The following CRTAC1 variants were observed in gnomAD, a reference collection of about 807,000 sequenced individuals.
The protein encoded by CRTAC1 is cartilage acidic protein 1, also known as acidic secreted protein in cartilage.
Under a neutral mutation model 67.8 loss-of-function variants are expected in CRTAC1, and 37 were observed. The ratio of observed to expected loss-of-function variants is 0.55; its 90% CI spans 0.42 to 0.72. The LOEUF is 0.72. Ranked by LOEUF, CRTAC1 falls within the 30% of genes least tolerant of loss-of-function variation. CRTAC1 has a pLI of 0.00. For synonymous variants in CRTAC1, 348 were observed against 371.0 expected (o/e 0.94, Z 0.71); for missense variants, 780 against 931.6 (o/e 0.84, Z 2.12).
In CRTAC1 at chr10:97,894,711, CATATATATAT is replaced by C. The variant is rs66795716; in HGVS notation, c.1486+524_1486+533del. Among the ~76,000 whole-genome samples the C allele has an allele frequency of 2.0e-3, 120 of 59,990 alleles. 1 individual carries two copies. The highest frequency in any genetic ancestry group is 2.5e-3 in the Non-Finnish European group (77 of 30,342). The allele number at this position is 59,990 out of a possible 152,430, so 39.4% of individuals were successfully genotyped here. A position where few individuals can be genotyped will look rare whatever the true frequency, so the allele number is the denominator to read the frequency against. Reference sequence around the variant, plus strand: ...CTGTGCCCAGCCCCTGATGCTTTTACATATATATATATATATATATATATATATATATATA... The same window carrying C: ...CTGTGCCCAGCCCCTGATGCTTTTACATATATATATATATATATATATATA... On this transcript the variant is annotated intron_variant, in intron 11 of 14. Coordinates refer to ENST00000370597, the MANE Select transcript of CRTAC1 (RefSeq NM_018058.7).
intron 2 of CRTAC1, among the ~76,000 whole-genome samples, chr10:97,943,662 T>A (rs993694420): frequency 6.6e-6 from 1 of 152,246 alleles, no homozygotes; most frequent in Admixed American, 6.5e-5. Context: ...GACAAACTTA[T>A]CCCTTAGTCT....
chr10:97,873,037 G>C (rs190065770), intron 14 of CRTAC1, among the ~76,000 whole-genome samples: 22 of 152,284 alleles, frequency 1.4e-4, no homozygotes, highest in Non-Finnish European at 2.5e-4. Flanking sequence ...CATCAGTCAG[G>C]CACTGCAGCA....
chr10:97,866,008 G>A (rs2050019204), intron 14 of CRTAC1: 1 of 388,170 alleles, frequency 2.6e-6, no homozygotes, highest in Non-Finnish European at 4.6e-6. Flanking sequence ...CAACCTAGGC[G>A]GCCCCTCTCT....
At chr10:97,936,481 C>T (rs1590221875) in intron 2 of CRTAC1, 115 bp from the exon 3 acceptor site, 2 of 768,876 alleles carry the variant, frequency 2.6e-6, no homozygotes, top group Admixed American at 2.8e-5. Context: ...GCAAGTCAGA[C>T]CTGGAGTGTT....
At chr10:97,962,629 C>G (rs941566714) in intron 2 of CRTAC1, among the ~76,000 whole-genome samples, 2 of 152,140 alleles carry the variant, frequency 1.3e-5, no homozygotes, top group South Asian at 2.1e-4. Context: ...GGGACCAGGG[C>G]TACTGGTGCC....
chr10:97,936,340 T>C lies in CRTAC1; in HGVS notation c.251A>G (p.Lys84Arg). The change falls in exon 3 of 15, where the codon AAG becomes AGG. Residue 84 changes from lysine (K) to arginine (R), a missense_variant. Physicochemically the swap from Lys to Arg is conservative, Grantham distance 26. Transcript: ENST00000370597. ...AGYNGPNLVL[K>R]YDRAQKRLVN... The stretch of plus-strand genomic sequence containing the variant: ...CAGCCGCTTCTGGGCCCGGTCATAC[T>C]TCAGAACCAGGTTGGGTCCATTGTA... 6.2e-7 allele frequency: 1 copy of C among 1,612,086 alleles called. No individual in the cohort carries two copies. Among genetic ancestry groups the C allele is most frequent in the Non-Finnish European group, 8.5e-7 (1 of 1,178,520 alleles).
chr10:98,012,687 G>T (rs1842931187), intron 1 of CRTAC1, among the ~76,000 whole-genome samples: 1 of 152,316 alleles, frequency 6.6e-6, no homozygotes, highest in South Asian at 2.1e-4. Flanking sequence ...AGACCAAAAT[G>T]AAGGGGCTGG....
At chr10:97,909,842 G>A (rs1248384073) in intron 5 of CRTAC1, among the ~76,000 whole-genome samples, 5 of 152,130 alleles carry the variant, frequency 3.3e-5, no homozygotes, top group African/African-American at 7.2e-5. Context: ...TAAAGAAAAC[G>A]TGATATATAT....
At chr10:98,020,732 T>C (rs1473906979) in intron 1 of CRTAC1, among the ~76,000 whole-genome samples, 1 of 152,116 alleles carries the variant, frequency 6.6e-6, no homozygotes, top group East Asian at 1.9e-4. Flanking sequence ...CAGGTTTGTG[T>C]AGTGCAGTGA....
chr10:97,913,114 C>CAGAGAGAG (rs71488844), intron 5 of CRTAC1, among the ~76,000 whole-genome samples: 97 of 149,406 alleles, frequency 6.5e-4, no homozygotes, highest in South Asian at 1.9e-3. Flanking sequence ...GGAATGGGCA[C>CAGAGAGAG]AGAGAGAGAG....
chr10:97,907,192 A>T (rs191885334), intron 6 of CRTAC1, among the ~76,000 whole-genome samples: 1 of 152,206 alleles, frequency 6.6e-6, no homozygotes, highest in Non-Finnish European at 1.5e-5. Context: ...AAGCTCATAG[A>T]CAAACCATGA....
chr10:97,964,174 C>A (rs1221124123), intron 2 of CRTAC1, among the ~76,000 whole-genome samples: 2 of 152,166 alleles, frequency 1.3e-5, no homozygotes, highest in Non-Finnish European at 2.9e-5. Flanking sequence ...ACCAATGAGC[C>A]AGTGCATTAC....
At chr10:97,990,240 C>T (rs562810263) in intron 2 of CRTAC1, among the ~76,000 whole-genome samples, 2 of 152,252 alleles carry the variant, frequency 1.3e-5, no homozygotes, top group South Asian at 2.1e-4. Flanking sequence ...GATAACCATC[C>T]GTCTTACTCC....
In CRTAC1 at chr10:97,916,832, G is replaced by A. The variant is rs2050765709; in HGVS notation, c.715+668C>T. ...CTCTGCCATCAGCAGTCTATTGGCA[G>A]ATTATCAGAGTTTAGTCAGCAGCCG... On this transcript the variant is annotated intron_variant, in intron 5 of 14. Transcript: ENST00000370597. 2.6e-5 allele frequency among the ~76,000 whole-genome samples: 4 copies of A among 152,368 alleles called. No individual in the cohort carries two copies. The South Asian group carries it at 8.3e-4, about 32-fold the overall frequency.
chr10:97,949,883 C>T (rs988653529), intron 2 of CRTAC1, among the ~76,000 whole-genome samples: 1 of 152,224 alleles, frequency 6.6e-6, no homozygotes, highest in African/African-American at 2.4e-5. Flanking sequence ...GAATACAGGG[C>T]TTGGCACAGA....
chr10:98,006,723 G>A (rs1422941846), intron 2 of CRTAC1, among the ~76,000 whole-genome samples: 3 of 152,146 alleles, frequency 2.0e-5, no homozygotes, highest in South Asian at 2.1e-4. Context: ...GTTCAAGTAC[G>A]GAGCGCTTTA....
At chr10:97,865,803 GCTCACCCTGCTGCCCGGGGTGGGAGGGA>G in intron 14 of CRTAC1, 89 bp from the exon 15 acceptor site, 3 of 1,137,932 alleles carry the variant, frequency 2.6e-6, no homozygotes, top group Non-Finnish European at 3.6e-6. Flanking sequence ...CATTCTTTGG[GCTCACCCTGCTGCCCGGGGTGGGAGGGA>G]GGGTGACGGG....
intron 14 of CRTAC1, among the ~76,000 whole-genome samples, chr10:97,873,016 T>G (rs2050109733): frequency 6.6e-6 from 1 of 152,178 alleles, no homozygotes; most frequent in Non-Finnish European, 1.5e-5. Context: ...TTTATGACAA[T>G]ATCTGCATTT....
At chr10:98,005,063 G>A (rs1489383852) in intron 2 of CRTAC1, among the ~76,000 whole-genome samples, 2 of 133,094 alleles carry the variant, frequency 1.5e-5, no homozygotes, top group African/African-American at 5.7e-5. Context: ...ATGTGCTTAA[G>A]TGTAATGTAA....
Sources: allele counts gnomAD v4.1 joint callset (sites outside exome capture counted in the v4.1 genomes callset), GRCh38; gene constraint gnomAD v4.1.1; transcripts MANE v1.5; gene names NCBI Gene and HGNC (gene_info 2026-07-23, HGNC 2026-07-21).